Variants in TMEM132B observed in about 807,000 individuals in gnomAD.
TMEM132B encodes transmembrane protein 132B.
Under a neutral mutation model 90.8 loss-of-function variants are expected in TMEM132B, and 18 were observed. That is an observed-to-expected ratio of 0.20 (90% CI 0.14 to 0.29). The LOEUF is 0.29. Ranked by LOEUF, TMEM132B falls within the 10% of genes least tolerant of loss-of-function variation. The pLI is 1.00. For synonymous variants in TMEM132B, 504 were observed against 523.3 expected (o/e 0.96, Z 0.50); for missense variants, 1,096 against 1,326.8 (o/e 0.83, Z 2.70).
rs762302773 is a variant in TMEM132B, at chr12:125,504,878, G to A, written c.1107-14561G>A. ...GGGGCAACCACAACCACTGGAAAAT[G>A]AGGGGAGAATGCTGGAAAAAAAAAG... On this transcript the variant is annotated intron_variant, in intron 3 of 8. Coordinates refer to ENST00000682704, the MANE Select transcript of TMEM132B (RefSeq NM_001366854.1). Among the ~76,000 whole-genome samples the A allele has an allele frequency of 1.3e-3, 193 of 151,928 alleles. 5 individuals are homozygous for A. Among genetic ancestry groups the A allele is most frequent in the Non-Finnish European group, 3.7e-4 (25 of 68,000 alleles).
At chr12:125,247,622 A>G (rs1216631217) in intron 1 of TMEM132B, among the ~76,000 whole-genome samples, 1 of 152,194 alleles carries the variant, frequency 6.6e-6, no homozygotes, top group East Asian at 1.9e-4. Context: ...CAATCAGAGC[A>G]CAGCCTTCCT....
At chr12:125,211,804 G>T (rs2136066202) in intron 1 of TMEM132B, among the ~76,000 whole-genome samples, 1 of 152,262 alleles carries the variant, frequency 6.6e-6, no homozygotes, top group African/African-American at 2.4e-5. Flanking sequence ...TTTTTCCCAT[G>T]CCAGCCACCT....
At chr12:125,414,963 G>A (rs1222094059) in intron 2 of TMEM132B, among the ~76,000 whole-genome samples, 13 of 152,152 alleles carry the variant, frequency 8.5e-5, no homozygotes, top group Non-Finnish European at 1.3e-4. Context: ...TGGTGGAACC[G>A]TGTTCTGTGA....
At chr12:125,591,213 T>G (rs1566083254) in intron 5 of TMEM132B, among the ~76,000 whole-genome samples, 1 of 152,230 alleles carries the variant, frequency 6.6e-6, no homozygotes, top group Non-Finnish European at 1.5e-5. Flanking sequence ...ACATGTATCT[T>G]ACAGTTCTGG....
chr12:125,343,539 A>G (rs1195719939), intron 1 of TMEM132B, among the ~76,000 whole-genome samples: 1 of 152,230 alleles, frequency 6.6e-6, no homozygotes, highest in Admixed American at 6.5e-5. Flanking sequence ...CCCTCAGGTA[A>G]TATGAGAAAG....
At chr12:125,237,605 C>T (rs1487486466) in intron 1 of TMEM132B, among the ~76,000 whole-genome samples, 5 of 152,064 alleles carry the variant, frequency 3.3e-5, no homozygotes, top group African/African-American at 1.2e-4. Context: ...CCCACCACCA[C>T]GCCCAGCTAA....
chr12:125,344,626 C>T (rs963530976), intron 1 of TMEM132B, among the ~76,000 whole-genome samples: 1 of 152,160 alleles, frequency 6.6e-6, no homozygotes, highest in Non-Finnish European at 1.5e-5. Context: ...CGCCAGTCTT[C>T]TACCAGAGCT....
At chr12:125,575,511 T>C (rs1034364645) in intron 4 of TMEM132B, among the ~76,000 whole-genome samples, 11 of 152,004 alleles carry the variant, frequency 7.2e-5, no homozygotes, top group African/African-American at 2.4e-4. Context: ...CATTTGTGGA[T>C]TGTCCTTTTA....
intron 3 of TMEM132B, among the ~76,000 whole-genome samples, chr12:125,493,915 C>T (rs1167453797): frequency 7.0e-6 from 1 of 143,690 alleles, no homozygotes; most frequent in Non-Finnish European, 1.5e-5. Context: ...GTCCCTCCTC[C>T]TCCTCCCTGG....
intron 4 of TMEM132B, among the ~76,000 whole-genome samples, chr12:125,572,611 C>T (rs753880843): frequency 1.1e-4 from 17 of 152,194 alleles, no homozygotes; most frequent in Non-Finnish European, 2.1e-4. Context: ...TAGGTTTAGA[C>T]ACCATAAAGT....
intron 1 of TMEM132B, among the ~76,000 whole-genome samples, chr12:125,188,869 A>AAAG (rs1307189628): frequency 5.3e-5 from 8 of 151,422 alleles, no homozygotes; most frequent in Non-Finnish European, 1.0e-4. Flanking sequence ...AAAAAAAAAA[A>AAAG]AAAAGAAAAA....
At chr12:125,287,992 T>C (rs1275443594) in intron 1 of TMEM132B, among the ~76,000 whole-genome samples, 1 of 152,012 alleles carries the variant, frequency 6.6e-6, no homozygotes, top group Non-Finnish European at 1.5e-5. Flanking sequence ...TTCAGTCTCC[T>C]GAGTAGCTGG....
At chr12:125,500,786 A>G (rs1343598639) in intron 3 of TMEM132B, among the ~76,000 whole-genome samples, 1 of 152,118 alleles carries the variant, frequency 6.6e-6, no homozygotes, top group Non-Finnish European at 1.5e-5. Flanking sequence ...GGTTGCAGCA[A>G]ATGAGGAGAG....
intron 4 of TMEM132B, among the ~76,000 whole-genome samples, chr12:125,530,138 A>T (rs1386364194): frequency 7.9e-5 from 12 of 152,260 alleles, no homozygotes; most frequent in Admixed American, 2.0e-4. Context: ...TATTCTTTAC[A>T]GTCAACAACA....
chr12:125,590,431 A>G (rs1178636803), intron 5 of TMEM132B, among the ~76,000 whole-genome samples: 2 of 152,254 alleles, frequency 1.3e-5, no homozygotes, highest in Non-Finnish European at 2.9e-5. Flanking sequence ...GAGATGGAAC[A>G]AGATACTATG....
intron 5 of TMEM132B, among the ~76,000 whole-genome samples, chr12:125,629,997 TC>T (rs1886323220): frequency 6.6e-6 from 1 of 152,188 alleles, no homozygotes; most frequent in South Asian, 2.1e-4. Flanking sequence ...TCCCACTTGA[TC>T]ATGATGAATC....
intron 5 of TMEM132B, among the ~76,000 whole-genome samples, chr12:125,592,238 T>C (rs2136896802): frequency 6.6e-6 from 1 of 152,260 alleles, no homozygotes; most frequent in South Asian, 2.1e-4. Flanking sequence ...TTGTATTGTT[T>C]GTAAATGAAT....
chr12:125,285,628 C>A (rs1875328441), intron 1 of TMEM132B, among the ~76,000 whole-genome samples: 1 of 152,146 alleles, frequency 6.6e-6, no homozygotes. Context: ...CCAGGTGAGG[C>A]CACCTGGGCA....
chr12:125,474,816 G>A (rs556312900), intron 3 of TMEM132B, among the ~76,000 whole-genome samples: 184 of 152,296 alleles, frequency 1.2e-3, no homozygotes, highest in African/African-American at 4.3e-3. Context: ...TGCCTACTGT[G>A]GATTGGTGTT....
Sources: allele counts gnomAD v4.1 joint callset (sites outside exome capture counted in the v4.1 genomes callset), GRCh38; gene constraint gnomAD v4.1.1; transcripts MANE v1.5; gene names NCBI Gene and HGNC (gene_info 2026-07-23, HGNC 2026-07-21).